The following UPRT variants were observed in gnomAD, a reference collection of about 807,000 sequenced individuals.
The protein encoded by UPRT is uracil phosphoribosyltransferase homolog, also known as RP11-311P8.3.
UPRT carries 5 observed loss-of-function variants against 22.6 expected under a neutral mutation model. The ratio of observed to expected loss-of-function variants is 0.22; its 90% CI spans 0.12 to 0.47. The LOEUF is 0.47. UPRT is among the 20% of genes least tolerant of loss of function. UPRT has a pLI of 0.99. For synonymous variants in UPRT, 77 were observed against 87.7 expected (o/e 0.88, Z 0.68); for missense variants, 181 against 239.9 (o/e 0.75, Z 1.62).
At chrX:75,300,995 C>A in intron 6 of UPRT, 30 bp downstream of exon 6, 1 of 1,082,851 alleles carries the variant, frequency 9.2e-7, no homozygotes, top group Non-Finnish European at 1.3e-6. Flanking sequence ...GTAACTAGGG[C>A]TCCATATAGT....
intron 4 of UPRT, among the ~76,000 whole-genome samples, chrX:75,244,969 A>G (rs867560327): frequency 2.1e-4 from 23 of 111,475 alleles, no homozygotes; most frequent in African/African-American, 6.8e-4. Flanking sequence ...AAAAGAAACT[A>G]TCAAGAGAGT....
intron 5 of UPRT, 72 bp from the exon 6 acceptor site, chrX:75,300,795 C>CA (rs1037993546): frequency 4.4e-6 from 4 of 905,239 alleles, no homozygotes; most frequent in Admixed American, 2.6e-5. Context: ...CCCCCTCCCC[C>CA]AAAAAAAGAA....
intron 4 of UPRT, among the ~76,000 whole-genome samples, chrX:75,240,761 C>G (rs1037039529): frequency 3.6e-5 from 4 of 111,010 alleles, no homozygotes; most frequent in African/African-American, 1.3e-4. Context: ...AATAGGGAAC[C>G]CAGAAATAAA....
Position 75,232,268 on chromosome X carries a change from G to A in UPRT, c.-446-58756G>A, listed in dbSNP as rs188916652. 3.6e-4 allele frequency among the ~76,000 whole-genome samples: 40 copies of A among 112,646 alleles called. No individual in the cohort carries two copies. In the East Asian group the frequency reaches 7.3e-3, roughly 21 times the overall value. ...ACGGCGCACAGGGAGATTATATCCC[G>A]CACATGGCTCGGAGGGTCCTATGCC... On this transcript the variant is annotated intron_variant, in intron 4 of 13. Coordinates refer to the UPRT transcript ENST00000652605.
intron 4 of UPRT, among the ~76,000 whole-genome samples, chrX:75,233,540 G>T (rs888132988): frequency 1.8e-5 from 2 of 110,298 alleles, no homozygotes; most frequent in Non-Finnish European, 3.8e-5. Flanking sequence ...CAGAGAGAAA[G>T]GTCGGGTTAC....
chrX:75,234,424 T>C (rs1308475717), intron 4 of UPRT, among the ~76,000 whole-genome samples: 4 of 111,073 alleles, frequency 3.6e-5, no homozygotes, highest in Middle Eastern at 4.6e-3. Flanking sequence ...CTCAGCTCTG[T>C]ACCAAGCAGA....
intron 4 of UPRT, among the ~76,000 whole-genome samples, chrX:75,171,060 CT>C (rs1238421628): frequency 9.0e-6 from 1 of 111,361 alleles, no homozygotes; most frequent in African/African-American, 3.3e-5. Context: ...AGACAATGAT[CT>C]TTTTGTGGTG....
chrX:75,215,602 A>T (rs770044853), intron 4 of UPRT, among the ~76,000 whole-genome samples: 13 of 111,983 alleles, frequency 1.2e-4, no homozygotes, highest in African/African-American at 4.2e-4. Context: ...TATATTCATT[A>T]TTTGATAACC....
intron 6 of UPRT, 82 bp downstream of exon 6, chrX:75,301,047 A>T: frequency 3.0e-6 from 2 of 667,627 alleles, no homozygotes; most frequent in Non-Finnish European, 4.5e-6. Flanking sequence ...TCTAATCCTG[A>T]GGAAAAGTTT....
intron 4 of UPRT, among the ~76,000 whole-genome samples, chrX:75,230,320 C>A (rs1433957174): frequency 9.0e-6 from 1 of 111,560 alleles, no homozygotes; most frequent in African/African-American, 3.3e-5. Flanking sequence ...GATGATTTTT[C>A]TCTACCTGCC....
intron 4 of UPRT, among the ~76,000 whole-genome samples, chrX:75,256,974 A>G (rs190478163): frequency 8.9e-6 from 1 of 112,162 alleles, no homozygotes; most frequent in African/African-American, 3.2e-5. Flanking sequence ...TACTGACACT[A>G]TTCCACAAGA....
At chrX:75,185,424 A>G (rs1257626699) in intron 4 of UPRT, among the ~76,000 whole-genome samples, 1 of 112,063 alleles carries the variant, frequency 8.9e-6, no homozygotes, top group Non-Finnish European at 1.9e-5. Flanking sequence ...TTGGTTTGCC[A>G]GTATTTTATT....
intron 4 of UPRT, among the ~76,000 whole-genome samples, chrX:75,246,166 A>T (rs1403814006): frequency 2.7e-5 from 3 of 109,209 alleles, no homozygotes; most frequent in Admixed American, 9.8e-5. Flanking sequence ...CAGGTTTGTT[A>T]CATATGTATA....
At chrX:75,246,638 T>G (rs2082507573) in intron 4 of UPRT, among the ~76,000 whole-genome samples, 2 of 111,491 alleles carry the variant, frequency 1.8e-5, no homozygotes, top group Admixed American at 1.9e-4. Flanking sequence ...GATGGCTGGG[T>G]CAAATGGTAT....
At position 75,231,599 on chromosome X, in the gene UPRT, G is replaced by T. The variant is rs560200503; in HGVS notation, c.-446-59425G>T. ...CATCCAAATATAAGAAACTCAAAGA[G>T]CACCCAGGAAATTCATTGCAAAAAG... On this transcript the variant is annotated intron_variant, in intron 4 of 13. Transcript: ENST00000652605. Among the ~76,000 whole-genome samples, 48 of 111,696 alleles carry T rather than the reference G, an allele frequency of 4.3e-4. No homozygotes were observed. In the South Asian group the frequency reaches 0.017, roughly 40 times the overall value.
intron 4 of UPRT, among the ~76,000 whole-genome samples, chrX:75,239,587 C>G (rs1308894857): frequency 9.0e-6 from 1 of 111,037 alleles, no homozygotes; most frequent in East Asian, 2.8e-4. Context: ...GGAATCCTCC[C>G]TAAATCATTT....
At chrX:75,190,283 C>T (rs911984520) in intron 4 of UPRT, among the ~76,000 whole-genome samples, 8 of 111,634 alleles carry the variant, frequency 7.2e-5, no homozygotes, top group Admixed American at 1.9e-4. Context: ...AATTCTTTTC[C>T]TTAAGAATGT....
At chrX:75,234,976 C>CA (rs1293277439) in intron 4 of UPRT, among the ~76,000 whole-genome samples, 4 of 111,134 alleles carry the variant, frequency 3.6e-5, no homozygotes, top group African/African-American at 6.6e-5. Context: ...AAAAACCCTT[C>CA]AAAAAATCAA....
At chrX:75,179,781 C>T (rs995338010) in intron 4 of UPRT, among the ~76,000 whole-genome samples, 5 of 113,038 alleles carry the variant, frequency 4.4e-5, no homozygotes, top group South Asian at 3.6e-4. Context: ...CCTCATTGCC[C>T]GGGGCTGGCA....
Sources: gnomAD v4.1 joint callset for allele counts (sites outside exome capture counted in the v4.1 genomes callset) on GRCh38, gnomAD v4.1.1 for gene constraint, MANE v1.5 for transcripts, NCBI Gene and HGNC (gene_info 2026-07-23, HGNC 2026-07-21) for gene names.